The following USP20 variants were observed in gnomAD, a reference collection of about 807,000 sequenced individuals.
The protein encoded by USP20 is ubiquitin specific peptidase 20.
Under a neutral mutation model 124.2 loss-of-function variants are expected in USP20, and 80 were observed. The ratio of observed to expected loss-of-function variants is 0.64; its 90% CI spans 0.54 to 0.78. The LOEUF is 0.78. Among genes scored for constraint, USP20 ranks in the 30% least tolerant of loss-of-function variants. The probability of loss-of-function intolerance (pLI) is 0.00; values close to 1 mark genes in which losing one functional copy is unlikely to be tolerated. For synonymous variants in USP20, 481 were observed against 512.3 expected (o/e 0.94, Z 0.83); for missense variants, 1,043 against 1,244.4 (o/e 0.84, Z 2.44).
chr9:129,874,121 A>G (rs913550218), intron 17 of USP20, among the ~76,000 whole-genome samples: 6 of 152,070 alleles, frequency 3.9e-5, no homozygotes, highest in African/African-American at 1.4e-4. Flanking sequence ...TCTGAGGAGT[A>G]ACGTCTGAGT....
intron 3 of USP20, 89 bp from the exon 4 acceptor site, chr9:129,856,217 TG>T: frequency 1.5e-6 from 2 of 1,322,792 alleles, no homozygotes; most frequent in Non-Finnish European, 1.1e-6. Context: ...GTCAGCCAGG[TG>T]GGGCCCTCCA....
rs776188342 is a variant in USP20 at position 129,874,749 on chromosome 9, G to A, written c.1914G>A (p.Thr638=). 6.3e-5 allele frequency: 101 copies of A among 1,613,702 alleles called. No homozygotes were observed. Among genetic ancestry groups the A allele is most frequent in the Non-Finnish European group, 7.2e-5 (85 of 1,180,006 alleles). The change falls in exon 18 of 26, where the codon ACG becomes ACA. Residue 638 remains threonine, a synonymous_variant. Transcript: ENST00000372429. ...DLLSVICHHG[T]AGSGHYIAYC... Reference sequence around the variant, plus strand: ...TCTCGGTCATCTGCCACCACGGCACGGCAGGCAGTGAGTCATGTCCCCTCC... The same window carrying A: ...TCTCGGTCATCTGCCACCACGGCACAGCAGGCAGTGAGTCATGTCCCCTCC...
At chr9:129,837,242 A>G (rs956772611) in intron 1 of USP20, among the ~76,000 whole-genome samples, 1 of 152,216 alleles carries the variant, frequency 6.6e-6, no homozygotes, top group African/African-American at 2.4e-5. Context: ...CTGTCTCTCA[A>G]AAGGACCCTC....
At chr9:129,848,530 G>A (rs1283104246) in intron 1 of USP20, among the ~76,000 whole-genome samples, 2 of 151,962 alleles carry the variant, frequency 1.3e-5, no homozygotes, top group East Asian at 3.9e-4. Flanking sequence ...GCACACAGCT[G>A]TAATCCCAGC....
intron 1 of USP20, among the ~76,000 whole-genome samples, chr9:129,845,999 A>G (rs999384857): frequency 6.6e-6 from 1 of 151,716 alleles, no homozygotes; most frequent in Non-Finnish European, 1.5e-5. Flanking sequence ...ATCTCGGCTC[A>G]CTGCAAGCTC....
Position 129,868,329 on chromosome 9 carries a change from A to G in USP20, c.1015A>G (p.Thr339Ala), listed in dbSNP as rs752788461. The G allele has an allele frequency of 1.4e-5, 23 of 1,613,488 alleles. No individual in the cohort carries two copies. The highest frequency in any genetic ancestry group is 1.9e-5 in the Non-Finnish European group (23 of 1,179,930). ...DRKFSWGQQR[T>A]NSEQVDEDAD... ...CAAGTTCTCCTGGGGCCAGCAGCGT[A>G]CAAACTCGGAGCAAGTGGACGAGGA... Residue 339 changes from threonine to alanine, a missense_variant, in exon 11 of 26, where the codon ACA (threonine) becomes GCA (alanine). Physicochemically the swap from Thr to Ala is moderately conservative, Grantham distance 58. Transcript: ENST00000372429.
intron 1 of USP20, among the ~76,000 whole-genome samples, chr9:129,847,097 A>G (rs2032621277): frequency 6.6e-6 from 1 of 152,196 alleles, no homozygotes. Flanking sequence ...AGCTATGAAC[A>G]TAGGTGCACA....
At chr9:129,856,725 C>T (rs995291041) in intron 4 of USP20, among the ~76,000 whole-genome samples, 3 of 152,188 alleles carry the variant, frequency 2.0e-5, no homozygotes, top group African/African-American at 7.2e-5. Context: ...GGGCCAGTCT[C>T]ATTTTTTCCC....
chr9:129,855,356 C>T lies in USP20; in HGVS notation c.82-951C>T, dbSNP rs543173056. On this transcript the variant is annotated intron_variant, in intron 3 of 25. Coordinates refer to ENST00000372429, the MANE Select transcript of USP20 (RefSeq NM_001110303.4). ...TAAGGCAGGAGAATGGCGTGAACCCCGGAGGCGGAGTTTGCAGTGAGCCGA... is the reference window on the plus strand; with the variant it reads ...TAAGGCAGGAGAATGGCGTGAACCCTGGAGGCGGAGTTTGCAGTGAGCCGA... Among the ~76,000 whole-genome samples the T allele has an allele frequency of 7.9e-5, 12 of 151,580 alleles. No individual in the cohort carries two copies. In the South Asian group the frequency reaches 1.5e-3, roughly 18 times the overall value.
intron 2 of USP20, among the ~76,000 whole-genome samples, chr9:129,850,307 A>AGCGG (rs2032838452): frequency 6.6e-6 from 1 of 152,126 alleles, no homozygotes; most frequent in African/African-American, 2.4e-5. Context: ...AAAGCAACTG[A>AGCGG]GCGGGCCCTT....
At chr9:129,865,974 A>G (rs1348531204) in intron 10 of USP20, among the ~76,000 whole-genome samples, 6 of 152,258 alleles carry the variant, frequency 3.9e-5, no homozygotes, top group African/African-American at 7.2e-5. Flanking sequence ...TTTTAAATCT[A>G]GAGAACCCTT....
Position 129,879,716 on chromosome 9 carries a change from C to T in USP20, c.2584+72C>T, listed in dbSNP as rs1393641938. The T allele has an allele frequency of 2.6e-6, 4 of 1,552,216 alleles. No individual in the cohort carries two copies. The highest frequency in any genetic ancestry group is 3.6e-6 in the Non-Finnish European group (4 of 1,126,120). On this transcript the variant is annotated intron_variant, in intron 24 of 25. Coordinates refer to ENST00000372429, the MANE Select transcript of USP20 (RefSeq NM_001110303.4). The surrounding 1 kb of genome is among the most constrained non-coding windows in gnomAD (Gnocchi z 4.2). ...CTGCCAGGCTGCTGCCCAGTCCCGT[C>T]CTTCCAGGAGCCCCCTTACCACCTG...
chr9:129,838,480 C>T (rs1431911239), intron 1 of USP20, among the ~76,000 whole-genome samples: 1 of 152,148 alleles, frequency 6.6e-6, no homozygotes, highest in Non-Finnish European at 1.5e-5. Context: ...TAGAGCTGCC[C>T]TCTGGGAAAA....
intron 7 of USP20, 74 bp downstream of exon 7, chr9:129,861,107 AGTCT>A: frequency 1.4e-6 from 2 of 1,383,900 alleles, no homozygotes; most frequent in Non-Finnish European, 2.0e-6. Context: ...AAACCGCCAG[AGTCT>A]TGGTCTCTAT....
At chr9:129,849,216 TG>T (rs1215800973) in intron 1 of USP20, among the ~76,000 whole-genome samples, 1 of 152,128 alleles carries the variant, frequency 6.6e-6, no homozygotes, top group Non-Finnish European at 1.5e-5. Context: ...GGTTTCCTCC[TG>T]GGGAGCACCA....
chr9:129,852,702 C>T (rs1440452328), intron 3 of USP20, 66 bp downstream of exon 3: 1 of 1,483,894 alleles, frequency 6.7e-7, no homozygotes. Context: ...GGGGTGTGGA[C>T]ATTTCTGAAG....
At chr9:129,872,488 G>A (rs1276273146) in intron 15 of USP20, among the ~76,000 whole-genome samples, 1 of 152,082 alleles carries the variant, frequency 6.6e-6, no homozygotes, top group Admixed American at 6.6e-5. Context: ...GTCCAGATAC[G>A]TGACTTATAA....
chr9:129,875,850 C>T (rs1295270081), intron 21 of USP20, among the ~76,000 whole-genome samples: 1 of 9,352 alleles, frequency 1.1e-4, no homozygotes, highest in Non-Finnish European at 3.5e-4. Flanking sequence ...CGGCAAGGGA[C>T]AGGAAACTGG....
intron 15 of USP20, among the ~76,000 whole-genome samples, chr9:129,873,120 C>T (rs1366834611): frequency 2.2e-5 from 2 of 90,222 alleles, no homozygotes; most frequent in Admixed American, 1.8e-4. Context: ...TTTACTCTGT[C>T]ACCCAGGCTG....
Sources: allele counts gnomAD v4.1 joint callset (sites outside exome capture counted in the v4.1 genomes callset), GRCh38; gene constraint gnomAD v4.1.1; non-coding constraint Gnocchi (gnomAD v3.1); transcripts MANE v1.5; gene names NCBI Gene and HGNC (gene_info 2026-07-23, HGNC 2026-07-21).